MIPEP: variants seen among roughly 807,000 people sequenced by gnomAD.
The protein encoded by MIPEP is mitochondrial intermediate peptidase.
A neutral mutation model predicts 90.3 loss-of-function variants in MIPEP; 79 were observed. The ratio of observed to expected loss-of-function variants is 0.87; its 90% confidence interval spans 0.73 to 1.05. MIPEP has a LOEUF of 1.05. Ranked by LOEUF, MIPEP falls within the 50% of genes least tolerant of loss-of-function variation. The probability of loss-of-function intolerance (pLI) is 0.00; values close to 1 mark genes in which losing one functional copy is unlikely to be tolerated. For synonymous variants in MIPEP, 334 were observed against 315.8 expected (o/e 1.06, Z -0.61); for missense variants, 940 against 905.6 (o/e 1.04, Z -0.49).
At chr13:23,779,006 A>G (rs951649918) in intron 16 of MIPEP, among the ~76,000 whole-genome samples, 1 of 152,210 alleles carries the variant, frequency 6.6e-6, no homozygotes, top group Non-Finnish European at 1.5e-5. Context: ...GTTTCCACAC[A>G]TAACTTTCTC....
At chr13:23,866,264 C>T (rs1011863584) in intron 7 of MIPEP, among the ~76,000 whole-genome samples, 4 of 152,134 alleles carry the variant, frequency 2.6e-5, no homozygotes, top group Admixed American at 6.5e-5. Flanking sequence ...ACACCGAAAA[C>T]GTGCCAACCT....
At chr13:23,858,729 C>A in intron 10 of MIPEP, 131 bp downstream of exon 10, 1 of 738,266 alleles carries the variant, frequency 1.4e-6, no homozygotes, top group Non-Finnish European at 2.4e-6. Context: ...TGGAGCAGAC[C>A]ACGCCAGCAG....
chr13:23,756,345 G>A, intron 18 of MIPEP, 200 bp downstream of exon 18: 1 of 510,744 alleles, frequency 2.0e-6, no homozygotes, highest in Non-Finnish European at 3.6e-6. Flanking sequence ...AGTAGAGACA[G>A]GGTTTCACCA....
At chr13:23,881,148 CCA>C (rs1369270889) in intron 3 of MIPEP, among the ~76,000 whole-genome samples, 2 of 152,220 alleles carry the variant, frequency 1.3e-5, no homozygotes, top group South Asian at 2.1e-4. Flanking sequence ...TCCAGCCCTC[CCA>C]CAGACTTTTA....
chr13:23,863,843 G>A (rs1303360451), intron 8 of MIPEP, among the ~76,000 whole-genome samples: 1 of 152,124 alleles, frequency 6.6e-6, no homozygotes, highest in Non-Finnish European at 1.5e-5. Flanking sequence ...TAAAATTCAT[G>A]GTACAAGTTA....
intron 18 of MIPEP, among the ~76,000 whole-genome samples, chr13:23,741,824 T>C (rs1196089004): frequency 7.2e-6 from 1 of 139,706 alleles, no homozygotes; most frequent in Admixed American, 7.0e-5. Flanking sequence ...GAAAAAAAAT[T>C]TAAAAAAAAA....
chr13:23,874,339 T>A (rs553790402), intron 5 of MIPEP, among the ~76,000 whole-genome samples: 1 of 151,870 alleles, frequency 6.6e-6, no homozygotes, highest in East Asian at 1.9e-4. Flanking sequence ...TTAGTTAGGA[T>A]GGCAACTTGA....
chr13:23,846,312 A>G (rs1869538106), intron 10 of MIPEP, among the ~76,000 whole-genome samples: 3 of 152,174 alleles, frequency 2.0e-5, no homozygotes, highest in Admixed American at 1.3e-4. Flanking sequence ...TGCTATTAGT[A>G]GTAAGGAAGA....
chr13:23,733,926 C>T (rs1281447472), intron 18 of MIPEP, among the ~76,000 whole-genome samples: 1 of 152,188 alleles, frequency 6.6e-6, no homozygotes, highest in African/African-American at 2.4e-5. Context: ...GTAAAATAAT[C>T]TGCATGCATG....
chr13:23,862,355 T>C lies in MIPEP; in HGVS notation c.1000A>G (p.Lys334Glu), dbSNP rs111942060. The C allele has an allele frequency of 1.9e-6, 3 of 1,577,202 alleles. No homozygotes were observed. Among genetic ancestry groups the C allele is most frequent in the Non-Finnish European group, 2.6e-6 (3 of 1,154,026 alleles). The stretch of plus-strand genomic sequence containing the variant: ...ATCCCTCGTATCATCTCAAAATCTT[T>C]CAGAGTTCTATAAAACAGGTTTATC... ...LSDKLSERTL[K>E]DFEMIRGMKM... The change falls in exon 9 of 19, where the codon AAA (lysine) becomes GAA (glutamate). Residue 334 changes from lysine to glutamate, a missense_variant. By Grantham distance (56) the Lys-to-Glu change is moderately conservative. Coordinates refer to ENST00000382172, the MANE Select transcript of MIPEP (RefSeq NM_005932.4).
At position 23,806,063 on chromosome 13, in the gene MIPEP, A is replaced by G. The variant is rs780504933; in HGVS notation, c.1735T>C (p.Tyr579His). ...AAADMQLQVF[Y>H]ATLDQIYHGK... ...TGGTAGATTTGATCCAGAGTGGCAT[A>G]AAAGACCTAGATAGATAAAAACATC... Residue 579 changes from tyrosine to histidine, a missense_variant, in exon 16 of 19, where the codon TAT (tyrosine) becomes CAT (histidine). Transcript: ENST00000382172. 2.3e-5 allele frequency: 37 copies of G among 1,613,932 alleles called. No homozygotes were observed. The Admixed American group carries it at 6.2e-4, about 27-fold the overall frequency.
At chr13:23,836,142 T>C (rs1869030408) in intron 14 of MIPEP, 98 bp downstream of exon 14, 2 of 640,552 alleles carry the variant, frequency 3.1e-6, no homozygotes, top group Non-Finnish European at 5.2e-6. Context: ...TAACAGAGGG[T>C]GAGTTCTGAA....
At chr13:23,835,610 G>C (rs1253842860) in intron 14 of MIPEP, among the ~76,000 whole-genome samples, 1 of 152,130 alleles carries the variant, frequency 6.6e-6, no homozygotes, top group Non-Finnish European at 1.5e-5. Context: ...ATCAGAATTG[G>C]AGGGAAGGGA....
intron 16 of MIPEP, among the ~76,000 whole-genome samples, chr13:23,777,165 A>G (rs1408888452): frequency 6.6e-6 from 1 of 152,236 alleles, no homozygotes; most frequent in Non-Finnish European, 1.5e-5. Context: ...CAAGTGGACC[A>G]TAAACACAGC....
chr13:23,753,701 TG>T (rs1208626438), intron 18 of MIPEP, among the ~76,000 whole-genome samples: 1 of 152,220 alleles, frequency 6.6e-6, no homozygotes, highest in Non-Finnish European at 1.5e-5. Flanking sequence ...AATAGGGTGT[TG>T]GCCTCTAGCT....
intron 16 of MIPEP, among the ~76,000 whole-genome samples, chr13:23,785,010 G>A (rs1952822851): frequency 1.3e-5 from 2 of 152,182 alleles, no homozygotes; most frequent in African/African-American, 4.8e-5. Flanking sequence ...AGAGGATGTG[G>A]AGAAATAGGA....
intron 16 of MIPEP, among the ~76,000 whole-genome samples, chr13:23,780,492 C>T (rs1250230761): frequency 6.6e-6 from 1 of 152,152 alleles, no homozygotes; most frequent in African/African-American, 2.4e-5. Context: ...GATAAAACCA[C>T]AAAGATGAGG....
chr13:23,785,130 C>T (rs1338735122), intron 16 of MIPEP, among the ~76,000 whole-genome samples: 2 of 152,180 alleles, frequency 1.3e-5, no homozygotes, highest in African/African-American at 4.8e-5. Flanking sequence ...CCAGCCATCC[C>T]ATTACTGGGT....
chr13:23,881,860 T>C, intron 2 of MIPEP, 73 bp from the exon 3 acceptor site: 2 of 1,230,194 alleles, frequency 1.6e-6, no homozygotes, highest in Non-Finnish European at 2.4e-6. Context: ...AGGGTGAAAA[T>C]GAAAACTGGG....
Sources: gnomAD v4.1 joint callset for allele counts (sites outside exome capture counted in the v4.1 genomes callset) on GRCh38, gnomAD v4.1.1 for gene constraint, MANE v1.5 for transcripts, NCBI Gene and HGNC (gene_info 2026-07-23, HGNC 2026-07-21) for gene names.